VPS13D: variants seen among roughly 807,000 people sequenced by gnomAD.
VPS13D encodes vacuolar protein sorting 13 homolog D.
VPS13D carries 187 observed loss-of-function variants against 461.9 expected under a neutral mutation model. That is an observed-to-expected ratio of 0.40 (90% CI 0.36 to 0.46). VPS13D has a LOEUF of 0.46. Among genes scored for constraint, VPS13D ranks in the 20% least tolerant of loss-of-function variants. VPS13D has a pLI of 0.60. For missense variants in VPS13D, 4,711 were observed against 5,364.9 expected, an observed-to-expected ratio of 0.88 and a Z score of 3.81; for synonymous variants, 1,951 against 1,986.3, an observed-to-expected ratio of 0.98 and a Z score of 0.47.
chr1:12,375,600 C>T (rs1644186877), intron 55 of VPS13D, among the ~76,000 whole-genome samples: 1 of 152,200 alleles, frequency 6.6e-6, no homozygotes, highest in South Asian at 2.1e-4. Context: ...CCACAGTTGT[C>T]CCATGTCCTG....
At chr1:12,508,522 G>A (rs924985644) in intron 69 of VPS13D, among the ~76,000 whole-genome samples, 2 of 146,760 alleles carry the variant, frequency 1.4e-5, no homozygotes, top group Admixed American at 1.4e-4. Flanking sequence ...TGGCTAACAC[G>A]GTGAAACCCC....
intron 60 of VPS13D, among the ~76,000 whole-genome samples, chr1:12,399,594 C>T (rs1644546875): frequency 6.6e-6 from 1 of 151,906 alleles, no homozygotes; most frequent in South Asian, 2.1e-4. Context: ...CCAAGGTGGG[C>T]AGATCACCTG....
At chr1:12,234,889 T>A (rs559531737) in intron 2 of VPS13D, among the ~76,000 whole-genome samples, 13 of 152,202 alleles carry the variant, frequency 8.5e-5, no homozygotes, top group Non-Finnish European at 1.6e-4. Flanking sequence ...TATTGTGAGG[T>A]GTTCAACAGA....
chr1:12,266,908 C>A lies in VPS13D; in HGVS notation c.1622C>A (p.Pro541His), dbSNP rs756998218. The A allele has an allele frequency of 1.2e-6, 2 of 1,603,066 alleles. No individual in the cohort carries two copies. Among genetic ancestry groups the A allele is most frequent in the Admixed American group, 3.5e-5 (2 of 56,920 alleles). ...GTAAAACTTCTAGCAGAGTCTCTTC[C>A]TCGAAGAAATTCCTCGTTGCTTTCA... ...SDVKLLAESL[P>H]RRNSSLLSVR... is the part of the protein sequence containing the mutation. The change falls in exon 14 of 70, where the codon CCT becomes CAT. Residue 541 changes from proline (P) to histidine (H), a missense_variant. Around this residue, in one of 3 missense-constraint regions of VPS13D, gnomAD observed 4,411 missense variants for 4,937.8 expected, o/e 0.89. Transcript: ENST00000620676.
chr1:12,491,875 G>C (rs745342690), intron 67 of VPS13D, among the ~76,000 whole-genome samples: 1 of 152,226 alleles, frequency 6.6e-6, no homozygotes, highest in Non-Finnish European at 1.5e-5. Flanking sequence ...GCAGCTGAGG[G>C]CTTAACATGG....
At chr1:12,397,909 A>G (rs540012548) in intron 60 of VPS13D, among the ~76,000 whole-genome samples, 1 of 152,270 alleles carries the variant, frequency 6.6e-6, no homozygotes, top group East Asian at 1.9e-4. Context: ...TTTAGAAACA[A>G]TAAGGAGGCT....
rs1360657731 is a variant in VPS13D, at chr1:12,511,009, A to G, written c.*1985A>G. ...GAACAAAGTCACTTGAAATCTCTTG[A>G]TGAGATTAAGGAGTTTAGTGTTACT... On this transcript the variant is annotated 3_prime_UTR_variant, in exon 70 of 70. Transcript: ENST00000620676. The surrounding 1 kb of genome is among the most constrained non-coding windows in gnomAD (Gnocchi z 4.5). 6.6e-6 allele frequency: 1 copy of G among 152,152 alleles called. No individual in the cohort carries two copies. Among genetic ancestry groups the G allele is most frequent in the East Asian group, 1.9e-4 (1 of 5,188 alleles). The allele number at this position is 152,152 out of a possible 1,614,324, so 9.4% of individuals were successfully genotyped here. A position where few individuals can be genotyped will look rare whatever the true frequency, so the allele number is the denominator to read the frequency against.
At chr1:12,414,987 A>G in intron 63 of VPS13D, 100 bp from the exon 64 acceptor site, 1 of 1,420,796 alleles carries the variant, frequency 7.0e-7, no homozygotes, top group Non-Finnish European at 9.6e-7. Context: ...CCTCATTCGA[A>G]AGTTAACATG....
chr1:12,233,662 T>A (rs1640056214), intron 1 of VPS13D, among the ~76,000 whole-genome samples: 1 of 152,210 alleles, frequency 6.6e-6, no homozygotes, highest in East Asian at 1.9e-4. Context: ...TAAGAGTGAC[T>A]ATTCCCTGAA....
In VPS13D at chr1:12,507,647, G is replaced by C. The variant is rs1018449830; in HGVS notation, c.13035+554G>C. On this transcript the variant is annotated intron_variant, in intron 69 of 69. Transcript: ENST00000620676. The surrounding 1 kb of genome is among the most constrained non-coding windows in gnomAD (Gnocchi z 5.3). The stretch of plus-strand genomic sequence containing the variant: ...AATAAAGCTCCTGCGAATAGCTAAC[G>C]TTCCTAGAGGGCTGGCTGTCTTGTG... Among the ~76,000 whole-genome samples the C allele has an allele frequency of 6.6e-6, 1 of 152,344 alleles. No individual in the cohort carries two copies. The highest frequency in any genetic ancestry group is 1.9e-4 in the East Asian group (1 of 5,188).
At chr1:12,272,392 GGTGTGTGT>G (rs60615824) in intron 17 of VPS13D, among the ~76,000 whole-genome samples, 28 of 143,124 alleles carry the variant, frequency 2.0e-4, no homozygotes, top group Middle Eastern at 3.6e-3. Context: ...TTTTTGTTTT[GGTGTGTGT>G]GTGTGTGTGT....
chr1:12,425,685 TAGGA>T (rs765812762), intron 65 of VPS13D, among the ~76,000 whole-genome samples: 5 of 132,308 alleles, frequency 3.8e-5, no homozygotes, highest in Non-Finnish European at 6.3e-5. Flanking sequence ...ATATACCCAA[TAGGA>T]AGGAAGGAAG....
Position 12,509,101 on chromosome 1 carries a change from G to C in VPS13D, c.*77G>C. 2.7e-6 allele frequency: 4 copies of C among 1,509,178 alleles called. No homozygotes were observed. Among genetic ancestry groups the C allele is most frequent in the Non-Finnish European group, 3.6e-6 (4 of 1,126,260 alleles). The allele number at this position is 1,509,178 out of a possible 1,614,324, so 93.5% of individuals were successfully genotyped here. ...GAAAGAGGCCCAGCTCTCAGCTGAC[G>C]ATGGAGGCAGAACCGGAGTCGGGTT... On this transcript the variant is annotated 3_prime_UTR_variant, in exon 70 of 70. Transcript: ENST00000620676.
At chr1:12,498,292 T>C (rs1262063854) in intron 68 of VPS13D, among the ~76,000 whole-genome samples, 1 of 152,146 alleles carries the variant, frequency 6.6e-6, no homozygotes, top group African/African-American at 2.4e-5. Flanking sequence ...AATACTAGAT[T>C]AATTTCTTCT....
intron 32 of VPS13D, 151 bp downstream of exon 32, chr1:12,319,781 A>T (rs1404443410): frequency 7.8e-6 from 9 of 1,159,214 alleles, no homozygotes; most frequent in Non-Finnish European, 1.1e-5. Context: ...TTTCTCCCCA[A>T]ATCTACCTGG....
intron 62 of VPS13D, 43 bp from the exon 63 acceptor site, chr1:12,403,782 T>A: frequency 6.5e-7 from 1 of 1,532,664 alleles, no homozygotes; most frequent in Non-Finnish European, 8.8e-7. Context: ...ATCATGAGAC[T>A]AAGAAATTCT....
In VPS13D at chr1:12,318,112, A is replaced by G. The variant is rs758441819; in HGVS notation, c.7189A>G (p.Asn2397Asp). 1.2e-6 allele frequency: 2 copies of G among 1,614,038 alleles called. No homozygotes were observed. Among genetic ancestry groups the G allele is most frequent in the East Asian group, 4.5e-5 (2 of 44,880 alleles). The change falls in exon 31 of 70, where the codon AAT becomes GAT. Residue 2397 changes from asparagine (N) to aspartate (D), a missense_variant. Asn to Asp is a conservative substitution (Grantham distance 23, BLOSUM62 1). Coordinates refer to ENST00000620676, the MANE Select transcript of VPS13D (RefSeq NM_015378.4). ...CTCCTGCTTTACAGTAGTTCTCAACAATCTCCGTGTGTTTCTCATATTTGA... is the reference window on the plus strand; with the variant it reads ...CTCCTGCTTTACAGTAGTTCTCAACGATCTCCGTGTGTTTCTCATATTTGA... ...DSSCFTVVLN[N>D]LRVFLIFDWL... is the part of the protein sequence containing the mutation.
At chr1:12,370,752 A>G (rs1467705737) in intron 54 of VPS13D, among the ~76,000 whole-genome samples, 2 of 152,244 alleles carry the variant, frequency 1.3e-5, no homozygotes, top group Non-Finnish European at 2.9e-5. Context: ...TAATGCCTGA[A>G]AAACCGAATC....
At chr1:12,327,940 A>G in intron 36 of VPS13D, 86 bp downstream of exon 36, 6 of 1,305,280 alleles carry the variant, frequency 4.6e-6, no homozygotes, top group Non-Finnish European at 6.3e-6. Flanking sequence ...TTTGTCATTC[A>G]TACTCTATTT....
Sources: gnomAD v4.1 joint callset for allele counts (sites outside exome capture counted in the v4.1 genomes callset) on GRCh38, gnomAD v4.1.1 for gene constraint, gnomAD v4.1.1 regional missense constraint, Gnocchi (gnomAD v3.1) non-coding constraint, MANE v1.5 for transcripts, NCBI Gene and HGNC (gene_info 2026-07-23, HGNC 2026-07-21) for gene names.